The following IL1RAPL2 variants were observed in gnomAD, a reference collection of about 807,000 sequenced individuals.
IL1RAPL2 encodes X-linked interleukin-1 receptor accessory protein-like 2.
Under a neutral mutation model 44.1 loss-of-function variants are expected in IL1RAPL2, and 3 were observed. That is an observed-to-expected ratio of 0.07 (90% CI 0.03 to 0.18). IL1RAPL2 has a LOEUF of 0.18. Among genes scored for constraint, IL1RAPL2 ranks in the 10% least tolerant of loss-of-function variants. The probability of loss-of-function intolerance (pLI) is 1.00; values close to 1 mark genes in which losing one functional copy is unlikely to be tolerated. For missense variants in IL1RAPL2, 391 were observed against 496.4 expected, an observed-to-expected ratio of 0.79 and a Z score of 2.02; for synonymous variants, 181 against 178.8, an observed-to-expected ratio of 1.01 and a Z score of -0.10.
At chrX:105,505,929 G>A (rs2036427988) in intron 6 of IL1RAPL2, among the ~76,000 whole-genome samples, 1 of 111,602 alleles carries the variant, frequency 9.0e-6, no homozygotes, top group African/African-American at 3.3e-5. Context: ...TAAGGTATTG[G>A]TGGAGATGGA....
At chrX:104,821,241 T>G (rs1327295297) in intron 2 of IL1RAPL2, among the ~76,000 whole-genome samples, 4 of 107,458 alleles carry the variant, frequency 3.7e-5, no homozygotes, top group Admixed American at 2.0e-4. Context: ...TGTAAATCTG[T>G]TTTTTTTTTA....
chrX:105,043,759 A>G lies in IL1RAPL2; in HGVS notation c.83-151716A>G, dbSNP rs187535099. Among the ~76,000 whole-genome samples the G allele has an allele frequency of 4.5e-5, 5 of 110,807 alleles. No homozygotes were observed. In the East Asian group the frequency reaches 8.6e-4, roughly 19 times the overall value. On this transcript the variant is annotated intron_variant, in intron 2 of 10. Transcript: ENST00000372582. Reference sequence around the variant, plus strand: ...CTGAGTTGAAGGGAGGCAATGGTCAATTGTTACAAACTTCATAAACTGACC... The same window carrying G: ...CTGAGTTGAAGGGAGGCAATGGTCAGTTGTTACAAACTTCATAAACTGACC...
At chrX:104,585,363 A>AATATATAT (rs1928531456) in intron 1 of IL1RAPL2, among the ~76,000 whole-genome samples, 28 of 23,953 alleles carry the variant, frequency 1.2e-3, no homozygotes, top group Non-Finnish European at 1.4e-3. Context: ...TATATATATT[A>AATATATAT]TATATATTAT....
chrX:104,588,871 A>G (rs1214126189), intron 1 of IL1RAPL2, among the ~76,000 whole-genome samples: 1 of 111,721 alleles, frequency 9.0e-6, no homozygotes, highest in Non-Finnish European at 1.9e-5. Flanking sequence ...TATGCATGCA[A>G]TTTGAGTTTT....
At chrX:105,693,297 G>C (rs756442590) in intron 6 of IL1RAPL2, among the ~76,000 whole-genome samples, 10 of 111,956 alleles carry the variant, frequency 8.9e-5, no homozygotes, top group Non-Finnish European at 1.5e-4. Context: ...CAATGTTGGA[G>C]GTGGGCCTGG....
chrX:105,107,605 G>A (rs1175662376), intron 2 of IL1RAPL2, among the ~76,000 whole-genome samples: 1 of 111,986 alleles, frequency 8.9e-6, no homozygotes, highest in Non-Finnish European at 1.9e-5. Context: ...TGGGGAGTTT[G>A]AAGAAGTAAG....
At chrX:104,763,241 C>T (rs1179005152) in intron 2 of IL1RAPL2, among the ~76,000 whole-genome samples, 1 of 111,947 alleles carries the variant, frequency 8.9e-6, no homozygotes, top group African/African-American at 3.3e-5. Flanking sequence ...TACTTTTGCT[C>T]CAGTTCCCAA....
intron 1 of IL1RAPL2, among the ~76,000 whole-genome samples, chrX:104,584,177 G>T (rs1045752557): frequency 8.1e-5 from 9 of 111,748 alleles, no homozygotes; most frequent in Non-Finnish European, 1.7e-4. Context: ...ACAAATGCAT[G>T]TTAGAGTTTG....
chrX:104,946,686 A>G lies in IL1RAPL2; in HGVS notation c.83-248789A>G, dbSNP rs750986925. The stretch of plus-strand genomic sequence containing the variant: ...CGGTGTTTGGTTTTTAGTTCTTGCA[A>G]TAGTTTACTGAGAATGATGATTTCC... On this transcript the variant is annotated intron_variant, in intron 2 of 10. Coordinates refer to ENST00000372582, the MANE Select transcript of IL1RAPL2 (RefSeq NM_017416.2). Among the ~76,000 whole-genome samples, 7 of 100,761 alleles carry G rather than the reference A, an allele frequency of 6.9e-5. No homozygotes were observed. The East Asian group carries it at 2.0e-3, about 28-fold the overall frequency. The allele number at this position is 100,761 out of a possible 115,157, so 87.5% of individuals were successfully genotyped here.
chrX:105,265,511 A>G (rs1424853773), intron 4 of IL1RAPL2, among the ~76,000 whole-genome samples: 2 of 111,576 alleles, frequency 1.8e-5, no homozygotes, highest in Non-Finnish European at 3.8e-5. Flanking sequence ...ATGGTATGTA[A>G]TATAATTTCA....
intron 2 of IL1RAPL2, among the ~76,000 whole-genome samples, chrX:105,000,240 G>C (rs1458578287): frequency 1.8e-5 from 2 of 112,022 alleles, no homozygotes; most frequent in Non-Finnish European, 3.8e-5. Context: ...CTAAGCTCCA[G>C]AGGAAGGACA....
In IL1RAPL2 at chrX:105,749,121, G is replaced by A. The variant is rs770277610; in HGVS notation, c.1192+18G>A. On this transcript the variant is annotated intron_variant, in intron 9 of 10. Coordinates refer to ENST00000372582, the MANE Select transcript of IL1RAPL2 (RefSeq NM_017416.2). ...TAATGATGGTAAGCTGTCTTCTATT[G>A]TTCAAATTCCATTAAACGGCATGCA... The A allele has an allele frequency of 8.4e-7, 1 of 1,189,825 alleles. No individual in the cohort carries two copies. The highest frequency in any genetic ancestry group is 1.1e-6 in the Non-Finnish European group (1 of 881,889).
chrX:105,097,946 G>C (rs1331430686), intron 2 of IL1RAPL2, among the ~76,000 whole-genome samples: 1 of 111,535 alleles, frequency 9.0e-6, no homozygotes, highest in East Asian at 2.8e-4. Flanking sequence ...GTGACTTTAT[G>C]CCTGGAACCA....
At chrX:105,398,971 A>G (rs935942215) in intron 5 of IL1RAPL2, among the ~76,000 whole-genome samples, 8 of 111,859 alleles carry the variant, frequency 7.2e-5, no homozygotes, top group Non-Finnish European at 1.3e-4. Flanking sequence ...AACCTCCTTC[A>G]GACTATCCCT....
intron 6 of IL1RAPL2, among the ~76,000 whole-genome samples, chrX:105,571,422 T>G (rs781156055): frequency 3.6e-5 from 4 of 111,393 alleles, no homozygotes; most frequent in African/African-American, 9.8e-5. Context: ...CAAAGAAAAC[T>G]AAATACCTAG....
chrX:104,658,536 G>A (rs779002161), intron 1 of IL1RAPL2, among the ~76,000 whole-genome samples: 20 of 112,423 alleles, frequency 1.8e-4, no homozygotes, highest in Non-Finnish European at 2.8e-4. Context: ...AATGGATGCA[G>A]CAAACCAACA....
intron 1 of IL1RAPL2, among the ~76,000 whole-genome samples, chrX:104,611,836 C>CAAAA (rs57729757): frequency 2.0e-4 from 8 of 39,952 alleles, no homozygotes; most frequent in Non-Finnish European, 2.6e-4. Flanking sequence ...GACTCCATCT[C>CAAAA]AAAAAAAAAA....
intron 6 of IL1RAPL2, among the ~76,000 whole-genome samples, chrX:105,570,619 T>A (rs189911390): frequency 8.9e-6 from 1 of 112,170 alleles, no homozygotes; most frequent in African/African-American, 3.2e-5. Context: ...TTTTTTGTTA[T>A]TTTTAAATTA....
At chrX:104,911,572 C>T (rs1211635694) in intron 2 of IL1RAPL2, among the ~76,000 whole-genome samples, 1 of 111,847 alleles carries the variant, frequency 8.9e-6, no homozygotes, top group Non-Finnish European at 1.9e-5. Flanking sequence ...ACAAATATCT[C>T]TTCCTGCAGT....
Sources: gnomAD v4.1 joint callset for allele counts (sites outside exome capture counted in the v4.1 genomes callset) on GRCh38, gnomAD v4.1.1 for gene constraint, MANE v1.5 for transcripts, NCBI Gene and HGNC (gene_info 2026-07-23, HGNC 2026-07-21) for gene names.